Variants in A2M observed in about 807,000 individuals in gnomAD.
A2M encodes the protein C3 and PZP-like alpha-2-macroglobulin domain-containing protein 5.
Under a neutral mutation model 183.9 loss-of-function variants are expected in A2M, and 128 were observed. The ratio of observed to expected loss-of-function variants is 0.70; its 90% CI spans 0.60 to 0.81. The LOEUF (loss-of-function observed/expected upper bound fraction) is 0.81, where lower values mean the gene tolerates loss of function less well. Among genes scored for constraint, A2M ranks in the 30% least tolerant of loss-of-function variants. The pLI is 0.00. For synonymous variants in A2M, 592 were observed against 670.8 expected (o/e 0.88, Z 1.81); for missense variants, 1,495 against 1,787.6 (o/e 0.84, Z 2.95).
intron 23 of A2M, 110 bp downstream of exon 23, chr12:9,079,984 G>T: frequency 1.1e-6 from 1 of 926,940 alleles, no homozygotes; most frequent in Non-Finnish European, 1.5e-6. Context: ...AAGAAGAAGA[G>T]AAGAAAGAAG....
At chr12:9,116,217 A>G, upstream of A2M, 1 of 306,038 alleles carries the variant, frequency 3.3e-6, no homozygotes, top group Non-Finnish European at 6.5e-6. Context: ...GGTGCTTCTC[A>G]CATCTCTTGT....
At chr12:9,088,322 T>C (rs1949109351) in intron 22 of A2M, among the ~76,000 whole-genome samples, 1 of 152,034 alleles carries the variant, frequency 6.6e-6, no homozygotes, top group African/African-American at 2.4e-5. Flanking sequence ...TGTTGGTAAT[T>C]AAAATGAAAT....
chr12:9,099,132 A>G (rs918650439), intron 14 of A2M, among the ~76,000 whole-genome samples: 1 of 152,170 alleles, frequency 6.6e-6, no homozygotes, highest in Non-Finnish European at 1.5e-5. Flanking sequence ...ACGTTTCATC[A>G]TAGAAGAAGG....
At chr12:9,072,620 T>C in intron 30 of A2M, 33 bp downstream of exon 30, 1 of 1,606,400 alleles carries the variant, frequency 6.2e-7, no homozygotes, top group East Asian at 2.2e-5. Flanking sequence ...GCTGTCCTCA[T>C]CTGTCCTGTC....
chr12:9,110,157 G>A lies in A2M; in HGVS notation c.505-122C>T. 2.5e-6 allele frequency: 3 copies of A among 1,190,620 alleles called. No individual in the cohort carries two copies. The South Asian group carries it at 4.5e-5, about 18-fold the overall frequency. The allele number at this position is 1,190,620 out of a possible 1,614,324, so 73.8% of individuals were successfully genotyped here. ...CAAATGGGGTAGTAGTAAAGGGTGA[G>A]TAGAGGAGATGAGTTATAGCCATCT... On this transcript the variant is annotated intron_variant, in intron 5 of 35. Transcript: ENST00000318602.
chr12:9,081,082 A>G (rs1216692353), intron 22 of A2M, among the ~76,000 whole-genome samples: 1 of 152,182 alleles, frequency 6.6e-6, no homozygotes, highest in African/African-American at 2.4e-5. Flanking sequence ...GATGCCATAA[A>G]CAAAGTTAAA....
rs1294347145 is a variant in A2M at position 9,074,673 on chromosome 12, C to T, written c.3643G>A (p.Ala1215Thr). Reference sequence around the variant, plus strand: ...GGGGCTGGCTGGGCCGTGAGATAAGCGAGGAGCACATAGGATGTCATCTCC... The same window carrying T: ...GGGGCTGGCTGGGCCGTGAGATAAGTGAGGAGCACATAGGATGTCATCTCC... ...EVEMTSYVLLAYLTAQPAPTS... is the reference protein window; with the variant it reads ...EVEMTSYVLLTYLTAQPAPTS... The change falls in exon 29 of 36, where the codon GCT becomes ACT. Residue 1215 changes from alanine to threonine, a missense_variant. Ala to Thr is a moderately conservative substitution (Grantham distance 58). Coordinates refer to ENST00000318602, the MANE Select transcript of A2M (RefSeq NM_000014.6). The T allele has an allele frequency of 5.6e-6, 9 of 1,613,794 alleles. No homozygotes were observed. Among genetic ancestry groups the T allele is most frequent in the Middle Eastern group, 1.6e-4 (1 of 6,084 alleles).
At chr12:9,114,616 A>G (rs1311618411) in intron 1 of A2M, among the ~76,000 whole-genome samples, 1 of 151,886 alleles carries the variant, frequency 6.6e-6, no homozygotes, top group Non-Finnish European at 1.5e-5. Flanking sequence ...ATTTATCCTA[A>G]ATTTTTATAT....
rs867052013 is a variant in A2M at position 9,089,862 on chromosome 12, A to G, written c.2718+40T>C. 5 of 1,322,602 alleles carry G rather than the reference A, an allele frequency of 3.8e-6. No homozygotes were observed. In the South Asian group the frequency reaches 7.1e-5, roughly 19 times the overall value. 81.9% of individuals were successfully genotyped at this position (1,322,602 alleles called of 1,614,324 possible). On this transcript the variant is annotated intron_variant, in intron 21 of 35. Coordinates refer to ENST00000318602, the MANE Select transcript of A2M (RefSeq NM_000014.6). Reference sequence around the variant, plus strand: ...TATTATTATATTACCCACATATATTATATATTATTGTGGACTATATATTAT... The same window carrying G: ...TATTATTATATTACCCACATATATTGTATATTATTGTGGACTATATATTAT...
At chr12:9,078,593 C>T (rs1487428876) in intron 25 of A2M, among the ~76,000 whole-genome samples, 3 of 152,110 alleles carry the variant, frequency 2.0e-5, no homozygotes, top group Non-Finnish European at 4.4e-5. Flanking sequence ...ATTTCTGGTT[C>T]TAGATCCTTG....
chr12:9,115,764 G>A lies in A2M; in HGVS notation c.86C>T (p.Pro29Leu), dbSNP rs368215969. Residue 29 changes from proline (P) to leucine (L), a missense_variant and splice_region_variant, in exon 1 of 36, where the codon CCG becomes CTG. Physicochemically the swap from Pro to Leu is moderately conservative, Grantham distance 98. Coordinates refer to ENST00000318602, the MANE Select transcript of A2M (RefSeq NM_000014.6). ...TTCACGCTCTCTGTGTGGAACTCAC[G>A]GTTTTCCAGAGACTGAGGCGTCTGT... ...LPTDASVSGK[P>L]QYMVLVPSLL... The A allele has an allele frequency of 4.3e-6, 7 of 1,610,876 alleles. No individual in the cohort carries two copies. Among genetic ancestry groups the A allele is most frequent in the East Asian group, 4.5e-5 (2 of 44,846 alleles).
chr12:9,101,183 G>A lies in A2M; in HGVS notation c.1519C>T (p.Arg507Ter), dbSNP rs200186322. 23 of 1,561,168 alleles carry A rather than the reference G, an allele frequency of 1.5e-5. No homozygotes were observed. Among genetic ancestry groups the A allele is most frequent in the Non-Finnish European group, 1.5e-5 (17 of 1,151,886 alleles). Residue 507 changes from arginine (R) to a stop codon, truncating the protein, a stop_gained, in exon 13 of 36, where the codon CGA becomes TGA. Coordinates refer to ENST00000318602, the MANE Select transcript of A2M (RefSeq NM_000014.6). LOFTEE classifies it high-confidence loss of function. ...ACAAGCAGTCCATGAGTCCCAGTTC[G>A]GACAATGCCTCCCTTTGCCATTATC... ...YLIMAKGGIVRTGTHGLLVKQ... is the reference protein window; with the variant it reads ...YLIMAKGGIV
rs1938889441 is a variant in A2M, at chr12:9,113,356, T to G, written c.270+4A>C. Reference sequence around the variant, plus strand: ...AGTATATTAAGTCAAACAGCCACACTCACAGCGAAGGCGACACAGTGGAGT... The same window carrying G: ...AGTATATTAAGTCAAACAGCCACACGCACAGCGAAGGCGACACAGTGGAGT... On this transcript the variant is annotated splice_donor_region_variant and intron_variant, in intron 2 of 35. Coordinates refer to ENST00000318602, the MANE Select transcript of A2M (RefSeq NM_000014.6). The G allele has an allele frequency of 6.2e-7, 1 of 1,612,894 alleles. No individual in the cohort carries two copies. Among genetic ancestry groups the G allele is most frequent in the Admixed American group, 1.7e-5 (1 of 59,834 alleles).
rs775034631 is a variant in A2M, at chr12:9,110,006, C to A, written c.534G>T (p.Trp178Cys). The change falls in exon 6 of 36, where the codon TGG (tryptophan) becomes TGT (cysteine). Residue 178 changes from tryptophan to cysteine, a missense_variant. Coordinates refer to ENST00000318602, the MANE Select transcript of A2M (RefSeq NM_000014.6). ...QDPKGNRIAQ[W>C]QSFQLEGGLK... is the part of the protein sequence containing the mutation. Reference sequence around the variant, plus strand: ...GGCCACCCTCTAACTGGAAACTCTGCCATTGTGCGATGCGATTTCCTTTGG... The same window carrying A: ...GGCCACCCTCTAACTGGAAACTCTGACATTGTGCGATGCGATTTCCTTTGG... 1 of 1,612,830 alleles carries A rather than the reference C, an allele frequency of 6.2e-7. No individual in the cohort carries two copies. Among genetic ancestry groups the A allele is most frequent in the Non-Finnish European group, 8.5e-7 (1 of 1,179,444 alleles).
chr12:9,114,383 G>T (rs1180462188), intron 1 of A2M, among the ~76,000 whole-genome samples: 2 of 152,020 alleles, frequency 1.3e-5, no homozygotes, highest in African/African-American at 4.8e-5. Flanking sequence ...TTTTTATCAT[G>T]ATTTTAAGTA....
Position 9,115,888 on chromosome 12 carries a change from T to G in A2M, c.-39A>C. The G allele has an allele frequency of 2.0e-6, 3 of 1,515,216 alleles. No homozygotes were observed. Among genetic ancestry groups the G allele is most frequent in the Middle Eastern group, 1.7e-4 (1 of 5,864 alleles). The allele number at this position is 1,515,216 out of a possible 1,614,324, so 93.9% of individuals were successfully genotyped here. A position where few individuals can be genotyped will look rare whatever the true frequency, so the allele number is the denominator to read the frequency against. ...GGAGCTGGAGGAGAACAGACTGTAT[T>G]GTACCCTACTCCCTACAATCCATCT... On this transcript the variant is annotated 5_prime_UTR_variant, in exon 1 of 36. Coordinates refer to ENST00000318602, the MANE Select transcript of A2M (RefSeq NM_000014.6).
Position 9,115,838 on chromosome 12 carries a change from G to T in A2M, c.12C>A (p.Asn4Lys). Residue 4 changes from asparagine to lysine, a missense_variant, in exon 1 of 36, where the codon AAC becomes AAA. Physicochemically the swap from Asn to Lys is moderately conservative, Grantham distance 94. Transcript: ENST00000318602. MGKNKLLHPSLVLL... is the reference protein window; with the variant it reads MGKKKLLHPSLVLL... ...GAACCAGACTTGGATGAAGGAGTTT[G>T]TTCTTCCCCATGTTGCAGAAAGAAG... 6.2e-7 allele frequency: 1 copy of T among 1,613,224 alleles called. No individual in the cohort carries two copies. Among genetic ancestry groups the T allele is most frequent in the Admixed American group, 1.7e-5 (1 of 60,002 alleles).
At position 9,077,804 on chromosome 12, in the gene A2M, A is replaced by G. The variant is rs371433665; in HGVS notation, c.3173T>C (p.Ile1058Thr). The change falls in exon 26 of 36, where the codon ATC becomes ACC. Residue 1058 changes from isoleucine (I) to threonine (T), a missense_variant. Transcript: ENST00000318602. ...TFAQARAYIF[I>T]DEAHITQALI... Reference sequence around the variant, plus strand: ...GGCTTGGGTAATGTGTGCTTCATCGATGAAGATGTAGGCTCGAGCTTGGGC... The same window carrying G: ...GGCTTGGGTAATGTGTGCTTCATCGGTGAAGATGTAGGCTCGAGCTTGGGC... The G allele has an allele frequency of 5.0e-6, 8 of 1,614,066 alleles. No homozygotes were observed. The African/African-American group carries it at 1.1e-4, about 22-fold the overall frequency.
chr12:9,104,645 A>T (rs1938147250), intron 10 of A2M, among the ~76,000 whole-genome samples: 1 of 152,200 alleles, frequency 6.6e-6, no homozygotes, highest in Non-Finnish European at 1.5e-5. Context: ...TAAGAAGAAA[A>T]ACAGAGCAGT....
Sources: gnomAD v4.1 joint callset for allele counts (sites outside exome capture counted in the v4.1 genomes callset) on GRCh38, gnomAD v4.1.1 for gene constraint, MANE v1.5 for transcripts, NCBI Gene and HGNC (gene_info 2026-07-23, HGNC 2026-07-21) for gene names.